Variants in AOAH observed in about 807,000 individuals in gnomAD.
AOAH encodes acyloxyacyl hydrolase.
Under a neutral mutation model 92.2 loss-of-function variants are expected in AOAH, and 64 were observed. The observed-to-expected ratio is 0.69, with a 90% CI of 0.57 to 0.86. The LOEUF is 0.86. Ranked by LOEUF, AOAH falls within the 40% of genes least tolerant of loss-of-function variation. The probability of loss-of-function intolerance (pLI) is 0.00; values close to 1 mark genes in which losing one functional copy is unlikely to be tolerated. For missense variants in AOAH, 656 were observed against 694.6 expected (o/e 0.94, Z 0.62); for synonymous variants, 263 against 254.5 (o/e 1.03, Z -0.32).
At chr7:36,718,169 A>T (rs189390162) in intron 1 of AOAH, among the ~76,000 whole-genome samples, 20 of 152,298 alleles carry the variant, frequency 1.3e-4, no homozygotes, top group African/African-American at 4.3e-4. Context: ...ATTTTTTTTC[A>T]AAGAAGATAT....
chr7:36,616,682 T>C (rs1470319353), intron 10 of AOAH, among the ~76,000 whole-genome samples: 1 of 152,224 alleles, frequency 6.6e-6, no homozygotes, highest in Non-Finnish European at 1.5e-5. Flanking sequence ...AGCTGCTAGC[T>C]AAGATGTAGA....
chr7:36,678,598 T>TGTGTGC (rs1554314377), intron 2 of AOAH, among the ~76,000 whole-genome samples: 1 of 127,316 alleles, frequency 7.9e-6, no homozygotes, highest in Non-Finnish European at 1.8e-5. Flanking sequence ...TGTGTGTGTG[T>TGTGTGC]GTGCGCGCGC....
chr7:36,566,386 C>G (rs1189453385), intron 13 of AOAH, among the ~76,000 whole-genome samples: 5 of 124,346 alleles, frequency 4.0e-5, no homozygotes, highest in Non-Finnish European at 6.6e-5. Flanking sequence ...TTGCCTCTAT[C>G]TCTTTTCAAG....
At position 36,532,214 on chromosome 7, in the gene AOAH, C is replaced by T. The variant is rs775264116; in HGVS notation, c.1366-8G>A. ...GCCGTGGCAGGGGCTGACCTGAGAG[C>T]GGGAAAACACTTTTGATTACAGAGG... On this transcript the variant is annotated splice_polypyrimidine_tract_variant and splice_region_variant and intron_variant, in intron 17 of 20. Transcript: ENST00000617537. 19 of 1,614,006 alleles carry T rather than the reference C, an allele frequency of 1.2e-5. No individual in the cohort carries two copies. The South Asian group carries it at 1.2e-4, about 10-fold the overall frequency.
At chr7:36,634,055 C>T (rs1403700727) in intron 5 of AOAH, among the ~76,000 whole-genome samples, 6 of 151,994 alleles carry the variant, frequency 3.9e-5, no homozygotes, top group East Asian at 3.9e-4. Flanking sequence ...GGAAACAGGG[C>T]GGAGGAGGGT....
chr7:36,609,099 C>T (rs911346573), intron 11 of AOAH, among the ~76,000 whole-genome samples: 1 of 152,040 alleles, frequency 6.6e-6, no homozygotes, highest in Non-Finnish European at 1.5e-5. Context: ...CCCGGTGAGT[C>T]ATCTGGCTGG....
chr7:36,621,436 G>C (rs1044597083), intron 8 of AOAH, among the ~76,000 whole-genome samples: 1 of 152,142 alleles, frequency 6.6e-6, no homozygotes, highest in African/African-American at 2.4e-5. Context: ...TTTCCCACTT[G>C]ACTGTAAGCT....
At chr7:36,619,030 C>T (rs1372977097) in intron 9 of AOAH, among the ~76,000 whole-genome samples, 2 of 152,228 alleles carry the variant, frequency 1.3e-5, no homozygotes, top group East Asian at 1.9e-4. Flanking sequence ...TTAAAGCTAC[C>T]CCTTAGTGGA....
intron 1 of AOAH, 73 bp downstream of exon 1, chr7:36,723,949 T>G: frequency 6.7e-7 from 1 of 1,500,246 alleles, no homozygotes; most frequent in Non-Finnish European, 9.0e-7. Flanking sequence ...AATATGTGAT[T>G]TATTACGCAA....
chr7:36,633,754 G>A (rs532160948), intron 5 of AOAH, among the ~76,000 whole-genome samples: 3 of 152,276 alleles, frequency 2.0e-5, no homozygotes, highest in East Asian at 1.9e-4. Context: ...GTCTCTAGGC[G>A]TGGGAAGATG....
chr7:36,536,012 C>T (rs1309210276), intron 16 of AOAH, among the ~76,000 whole-genome samples: 8 of 152,198 alleles, frequency 5.3e-5, no homozygotes, highest in Non-Finnish European at 1.0e-4. Context: ...CCCTTGGCAG[C>T]CAGCGACGGA....
At chr7:36,591,459 G>A (rs1285055481) in intron 12 of AOAH, among the ~76,000 whole-genome samples, 1 of 152,218 alleles carries the variant, frequency 6.6e-6, no homozygotes, top group Non-Finnish European at 1.5e-5. Context: ...GCCACACCTA[G>A]ATGGTCACTT....
At chr7:36,627,641 A>C (rs1016612830) in intron 6 of AOAH, among the ~76,000 whole-genome samples, 2 of 152,064 alleles carry the variant, frequency 1.3e-5, no homozygotes, top group African/African-American at 4.8e-5. Flanking sequence ...AGCAGGAGTC[A>C]GGTGTCTGCT....
At chr7:36,619,293 G>T (rs956576616) in intron 9 of AOAH, among the ~76,000 whole-genome samples, 1 of 152,114 alleles carries the variant, frequency 6.6e-6, no homozygotes, top group African/African-American at 2.4e-5. Flanking sequence ...TTTCCTCTGT[G>T]GAAGGGGATA....
chr7:36,664,203 T>C (rs1419534361), intron 3 of AOAH, among the ~76,000 whole-genome samples: 4 of 152,170 alleles, frequency 2.6e-5, no homozygotes, highest in African/African-American at 9.7e-5. Flanking sequence ...AAACCCAAGG[T>C]CAACTAGATT....
At chr7:36,535,707 C>T (rs1286687906) in intron 16 of AOAH, among the ~76,000 whole-genome samples, 1 of 152,056 alleles carries the variant, frequency 6.6e-6, no homozygotes, top group Non-Finnish European at 1.5e-5. Flanking sequence ...TGTCAGGGTC[C>T]ATGTGCTGAG....
intron 2 of AOAH, among the ~76,000 whole-genome samples, chr7:36,685,837 T>C (rs1796967672): frequency 6.6e-6 from 1 of 152,206 alleles, no homozygotes; most frequent in Admixed American, 6.5e-5. Flanking sequence ...CAGTCTTTGT[T>C]TTTGAATTCT....
At chr7:36,675,695 A>T (rs904648878) in intron 2 of AOAH, among the ~76,000 whole-genome samples, 11 of 152,242 alleles carry the variant, frequency 7.2e-5, no homozygotes, top group African/African-American at 2.7e-4. Context: ...CCTTCCTCCG[A>T]AAGAATGTAG....
At chr7:36,546,238 G>T (rs576556932) in intron 15 of AOAH, among the ~76,000 whole-genome samples, 1 of 152,278 alleles carries the variant, frequency 6.6e-6, no homozygotes, top group East Asian at 1.9e-4. Context: ...CATAGAAAAA[G>T]AAAAGAAAAA....
Sources: gnomAD v4.1 joint callset for allele counts (sites outside exome capture counted in the v4.1 genomes callset) on GRCh38, gnomAD v4.1.1 for gene constraint, MANE v1.5 for transcripts, NCBI Gene and HGNC (gene_info 2026-07-23, HGNC 2026-07-21) for gene names.